The following ADGRB3 variants were observed in gnomAD, a reference collection of about 807,000 sequenced individuals.
ADGRB3 encodes the protein adhesion G protein-coupled receptor B3.
In ADGRB3, 37 loss-of-function variants were observed where a neutral mutation model predicts 193.4. The ratio of observed to expected loss-of-function variants is 0.19; its 90% confidence interval spans 0.15 to 0.25. The LOEUF (loss-of-function observed/expected upper bound fraction) is 0.25. Ranked by LOEUF, ADGRB3 falls within the 10% of genes least tolerant of loss-of-function variation. The probability of loss-of-function intolerance (pLI) is 1.00; values close to 1 mark genes in which losing one functional copy is unlikely to be tolerated. For synonymous variants in ADGRB3, 690 were observed against 644.2 expected, an observed-to-expected ratio of 1.07 and a Z score of -1.08; for missense variants, 1,637 against 1,852.9, an observed-to-expected ratio of 0.88 and a Z score of 2.14.
chr6:68,814,103 C>A (rs149037663), intron 3 of ADGRB3, among the ~76,000 whole-genome samples: 12,915 of 152,196 alleles, frequency 0.085, 763 homozygotes, highest in South Asian at 0.12. Context: ...AATGGTATTT[C>A]TACTTCTAGA....
At chr6:69,169,509 T>C (rs1284854415) in intron 17 of ADGRB3, among the ~76,000 whole-genome samples, 2 of 149,858 alleles carry the variant, frequency 1.3e-5, no homozygotes, top group African/African-American at 4.9e-5. Flanking sequence ...AAATTATAAT[T>C]AAATTATATA....
At chr6:68,661,924 G>A (rs930037767) in intron 3 of ADGRB3, among the ~76,000 whole-genome samples, 1 of 151,330 alleles carries the variant, frequency 6.6e-6, no homozygotes, top group Non-Finnish European at 1.5e-5. Flanking sequence ...GAAAAACAAT[G>A]ATGAAAAGCA....
intron 17 of ADGRB3, among the ~76,000 whole-genome samples, chr6:69,085,990 T>TA (rs965333656): frequency 6.6e-6 from 1 of 151,850 alleles, no homozygotes; most frequent in Non-Finnish European, 1.5e-5. Flanking sequence ...TGATTTTGAT[T>TA]AAAAAAAGAA....
intron 3 of ADGRB3, among the ~76,000 whole-genome samples, chr6:68,792,709 G>T (rs1229316448): frequency 6.6e-6 from 1 of 152,072 alleles, no homozygotes; most frequent in African/African-American, 2.4e-5. Context: ...TTTAATATAC[G>T]GAGTCTAAAT....
intron 17 of ADGRB3, among the ~76,000 whole-genome samples, chr6:69,152,531 T>G (rs1774709024): frequency 6.6e-6 from 1 of 152,218 alleles, no homozygotes; most frequent in South Asian, 2.1e-4. Context: ...CAGGTGCTGT[T>G]AGTGACTTGC....
chr6:68,909,826 G>C (rs1409007117), intron 3 of ADGRB3, among the ~76,000 whole-genome samples: 1 of 152,126 alleles, frequency 6.6e-6, no homozygotes, highest in African/African-American at 2.4e-5. Context: ...ATTTGGGTTG[G>C]TTCCAAGTCT....
At chr6:68,896,890 T>A (rs1160820449) in intron 3 of ADGRB3, among the ~76,000 whole-genome samples, 2 of 152,122 alleles carry the variant, frequency 1.3e-5, no homozygotes, top group African/African-American at 4.8e-5. Context: ...TCAGAGCCTA[T>A]AACTTTAAAC....
intron 16 of ADGRB3, among the ~76,000 whole-genome samples, chr6:69,072,016 C>T (rs1772093692): frequency 6.6e-6 from 1 of 151,918 alleles, no homozygotes; most frequent in Admixed American, 6.6e-5. Context: ...TTTTAGCCAG[C>T]TTTGTTTTTT....
chr6:69,230,034 A>G (rs1766099174), intron 17 of ADGRB3, among the ~76,000 whole-genome samples: 2 of 152,198 alleles, frequency 1.3e-5, no homozygotes, highest in South Asian at 2.1e-4. Flanking sequence ...AACAGCTAAC[A>G]TGGGTGAATG....
chr6:69,072,054 G>T (rs1391621079), intron 16 of ADGRB3, among the ~76,000 whole-genome samples: 2 of 151,856 alleles, frequency 1.3e-5, no homozygotes, highest in Non-Finnish European at 2.9e-5. Flanking sequence ...TTCATCATTG[G>T]TTGCTTTGTT....
At chr6:68,644,685 C>T (rs944344402) in intron 3 of ADGRB3, among the ~76,000 whole-genome samples, 8 of 152,180 alleles carry the variant, frequency 5.3e-5, no homozygotes, top group Non-Finnish European at 1.2e-4. Context: ...AACAAAATGC[C>T]ACAATTATTC....
chr6:69,239,232 A>G lies in ADGRB3; in HGVS notation c.2814+6A>G. 1 of 1,500,310 alleles carries G rather than the reference A, an allele frequency of 6.7e-7. No individual in the cohort carries two copies. Among genetic ancestry groups the G allele is most frequent in the Non-Finnish European group, 9.2e-7 (1 of 1,084,732 alleles). 92.9% of individuals were successfully genotyped at this position (1,500,310 alleles called of 1,614,324 possible). A position where few individuals can be genotyped will look rare whatever the true frequency, so the allele number is the denominator to read the frequency against. Reference sequence around the variant, plus strand: ...AGACTCAGACACATAATAAGGTATGACTGGTAATTATTCTGATTCTTTTTT... The same window carrying G: ...AGACTCAGACACATAATAAGGTATGGCTGGTAATTATTCTGATTCTTTTTT... On this transcript the variant is annotated splice_donor_region_variant and intron_variant, in intron 20 of 31. Coordinates refer to ENST00000370598, the MANE Select transcript of ADGRB3 (RefSeq NM_001704.3).
rs1736596462 is a variant in ADGRB3 at position 68,993,949 on chromosome 6, C to T, written c.1916C>T (p.Ser639Phe). Residue 639 changes from serine to phenylalanine, a missense_variant, in exon 11 of 32, where the codon TCT (serine) becomes TTT (phenylalanine). Ser to Phe is a radical substitution (Grantham distance 155). Coordinates refer to ENST00000370598, the MANE Select transcript of ADGRB3 (RefSeq NM_001704.3). ...TFKRASYIPA[S>F]DGVQNFFQIV... is the part of the protein sequence containing the mutation. Reference sequence around the variant, plus strand: ...AAAAGGGCAAGTTACATCCCTGCATCTGATGGTGTCCAGGTAAGGGAGACA... The same window carrying T: ...AAAAGGGCAAGTTACATCCCTGCATTTGATGGTGTCCAGGTAAGGGAGACA... 6.2e-7 allele frequency: 1 copy of T among 1,613,294 alleles called. No individual in the cohort carries two copies. Among genetic ancestry groups the T allele is most frequent in the South Asian group, 1.1e-5 (1 of 91,028 alleles).
Position 69,020,632 on chromosome 6 carries a change from G to T in ADGRB3, c.2107+2133G>T, listed in dbSNP as rs540838794. ...ATTGTCCATCTTGCCTGAGGATAGTGTGATTGTTCTGCCTTCTGATTGTTT... is the reference window on the plus strand; with the variant it reads ...ATTGTCCATCTTGCCTGAGGATAGTTTGATTGTTCTGCCTTCTGATTGTTT... On this transcript the variant is annotated intron_variant, in intron 13 of 31. Transcript: ENST00000370598. 7.9e-5 allele frequency among the ~76,000 whole-genome samples: 12 copies of T among 152,088 alleles called. No individual in the cohort carries two copies. In the South Asian group the frequency reaches 1.0e-3, roughly 13 times the overall value.
chr6:68,930,348 A>G (rs1217767426), intron 3 of ADGRB3, among the ~76,000 whole-genome samples: 1 of 152,008 alleles, frequency 6.6e-6, no homozygotes, highest in Non-Finnish European at 1.5e-5. Context: ...CATTTTATTG[A>G]CTATTACTGT....
At chr6:69,354,847 G>A (rs1442607978) in intron 27 of ADGRB3, among the ~76,000 whole-genome samples, 1 of 152,138 alleles carries the variant, frequency 6.6e-6, no homozygotes, top group African/African-American at 2.4e-5. Context: ...TGAAAGACCA[G>A]TTATTGTACA....
intron 3 of ADGRB3, among the ~76,000 whole-genome samples, chr6:68,849,075 A>G (rs1768345389): frequency 1.3e-5 from 2 of 152,018 alleles, no homozygotes; most frequent in South Asian, 4.1e-4. Context: ...GATGGCTGAA[A>G]TGTTTGAGTT....
At chr6:69,232,352 A>G in intron 17 of ADGRB3, 3 of 1,334,756 alleles carry the variant, frequency 2.2e-6, no homozygotes, top group Non-Finnish European at 2.9e-6. Flanking sequence ...CCCACCACGA[A>G]CAAGACGTAG....
chr6:68,903,238 G>T (rs537533360), intron 3 of ADGRB3, among the ~76,000 whole-genome samples: 138 of 152,080 alleles, frequency 9.1e-4, no homozygotes, highest in African/African-American at 3.3e-3. Flanking sequence ...AAACATTTCA[G>T]GATATAAAAT....
Sources: gnomAD v4.1 joint callset for allele counts (sites outside exome capture counted in the v4.1 genomes callset) on GRCh38, gnomAD v4.1.1 for gene constraint, MANE v1.5 for transcripts, NCBI Gene and HGNC (gene_info 2026-07-23, HGNC 2026-07-21) for gene names.